SUN1: variants seen among roughly 807,000 people sequenced by gnomAD.
SUN1 encodes SUN domain-containing protein 1.
In SUN1, 61 loss-of-function variants were observed where a neutral mutation model predicts 103.2. That is an observed-to-expected ratio of 0.59 (90% CI 0.48 to 0.73). SUN1 has a LOEUF of 0.73. Ranked by LOEUF, SUN1 falls within the 30% of genes least tolerant of loss-of-function variation. The pLI is 0.00. For missense variants in SUN1, 1,052 were observed against 1,034.6 expected (o/e 1.02, Z -0.23); for synonymous variants, 490 against 425.7 (o/e 1.15, Z -1.86).
intron 1 of SUN1, among the ~76,000 whole-genome samples, chr7:835,939 C>A (rs991321678): frequency 1.3e-5 from 2 of 152,206 alleles, no homozygotes; most frequent in African/African-American, 4.8e-5. Flanking sequence ...AAGAGAGTTT[C>A]CAGAATGGGG....
intron 13 of SUN1, among the ~76,000 whole-genome samples, chr7:859,267 C>T (rs1220851091): frequency 3.3e-5 from 5 of 152,290 alleles, no homozygotes; most frequent in Non-Finnish European, 1.5e-5. Context: ...TGCAGGCCCA[C>T]GAGGACGATG....
intron 1 of SUN1, chr7:816,850 G>T (rs1780948070): frequency 6.7e-6 from 1 of 150,024 alleles, no homozygotes; most frequent in Non-Finnish European, 1.5e-5. Context: ...CCCGCGCCCC[G>T]CAGCTACCCC....
intron 1 of SUN1, among the ~76,000 whole-genome samples, chr7:836,955 G>A (rs1764582000): frequency 6.6e-6 from 1 of 152,240 alleles, no homozygotes; most frequent in Non-Finnish European, 1.5e-5. Context: ...TGGGGCGGAT[G>A]GAGGGGGTCT....
Position 860,313 on chromosome 7 carries a change from G to C in SUN1, c.1710G>C (p.Lys570Asn). The change falls in exon 14 of 19, where the codon AAG (lysine) becomes AAC (asparagine). Residue 570 changes from lysine (K) to asparagine (N), a missense_variant. Physicochemically the swap from Lys to Asn is moderately conservative, Grantham distance 94 (BLOSUM62 0). This residue lies in a region of SUN1 where 846 missense variants were observed against 774.5 expected (regional missense o/e 1.09). Coordinates refer to ENST00000401592, the MANE Select transcript of SUN1 (RefSeq NM_001130965.3). ...TCACCCACCACGTTTCCGTGACCAA[G>C]CAGCTCCCAACCTCAGAAGCCGTGG... ...RNVTHHVSVTKQLPTSEAVVS... is the reference protein window; with the variant it reads ...RNVTHHVSVTNQLPTSEAVVS... 1 of 1,614,250 alleles carries C rather than the reference G, an allele frequency of 6.2e-7. No homozygotes were observed. Among genetic ancestry groups the C allele is most frequent in the Non-Finnish European group, 8.5e-7 (1 of 1,180,050 alleles).
Position 843,485 on chromosome 7 carries a change from T to C in SUN1, c.623T>C (p.Val208Ala). 1 of 1,614,078 alleles carries C rather than the reference T, an allele frequency of 6.2e-7. No homozygotes were observed. The change falls in exon 5 of 19, where the codon GTG becomes GCG. Residue 208 changes from valine to alanine, a missense_variant. Physicochemically the swap from Val to Ala is moderately conservative, Grantham distance 64 (BLOSUM62 0). This residue lies in a region of SUN1 where 846 missense variants were observed against 774.5 expected (regional missense o/e 1.09). Transcript: ENST00000401592. Reference sequence around the variant, plus strand: ...GCGCACCCCGCGGCCCCCGGGCCCGTGTCGAGAGTTTATTCTAGGGACAGG... The same window carrying C: ...GCGCACCCCGCGGCCCCCGGGCCCGCGTCGAGAGTTTATTCTAGGGACAGG... ...LTAHPAAPGP[V>A]SRVYSRDRNQ...
intron 5 of SUN1, among the ~76,000 whole-genome samples, chr7:846,245 AC>A (rs1196380385): frequency 6.6e-6 from 1 of 151,656 alleles, no homozygotes. Context: ...AGTAGCTGGG[AC>A]TACAGGCGCC....
Position 838,784 on chromosome 7 carries a change from C to A in SUN1, c.78-14C>A. The A allele has an allele frequency of 6.5e-7, 1 of 1,531,524 alleles. No individual in the cohort carries two copies. The highest frequency in any genetic ancestry group is 1.2e-5 in the South Asian group (1 of 81,098). 94.9% of individuals were successfully genotyped at this position (1,531,524 alleles called of 1,614,324 possible). On this transcript the variant is annotated splice_polypyrimidine_tract_variant and intron_variant, in intron 1 of 18. Coordinates refer to ENST00000401592, the MANE Select transcript of SUN1 (RefSeq NM_001130965.3). Reference sequence around the variant, plus strand: ...ATAAGCACTGCTTACCTCTGATGAGCTTTTTCCTTCTAGTTCCAGCTATTC... The same window carrying A: ...ATAAGCACTGCTTACCTCTGATGAGATTTTTCCTTCTAGTTCCAGCTATTC...
intron 5 of SUN1, chr7:849,496 A>G (rs1404591470): frequency 7.4e-7 from 1 of 1,354,944 alleles, no homozygotes; most frequent in Non-Finnish European, 9.9e-7. Flanking sequence ...TGAGTTCCCT[A>G]AGCCTCTTTT....
At chr7:848,516 A>G (rs771792228) in intron 5 of SUN1, 1 of 1,364,176 alleles carries the variant, frequency 7.3e-7, no homozygotes, top group Non-Finnish European at 9.8e-7. Context: ...AGTGGTTTTA[A>G]TGAAGCTCAG....
Position 853,537 on chromosome 7 carries a change from G to T in SUN1, c.1182G>T (p.Gln394His), listed in dbSNP as rs1415403432. The T allele has an allele frequency of 6.2e-7, 1 of 1,613,384 alleles. No homozygotes were observed. Among genetic ancestry groups the T allele is most frequent in the Non-Finnish European group, 8.5e-7 (1 of 1,180,046 alleles). ...TGACCACTTTGCTACAGAAGCTGCA[G>T]GCTCGGGTGGACCAGATGGAAGGCG... ...RELTTLLQKL[Q>H]ARVDQMEGGA... The change falls in exon 10 of 19, where the codon CAG becomes CAT. Residue 394 changes from glutamine to histidine, a missense_variant. Physicochemically the swap from Gln to His is conservative, Grantham distance 24 (BLOSUM62 0). Around this residue, in one of 2 missense-constraint regions of SUN1, gnomAD observed 846 missense variants for 774.5 expected, o/e 1.09. Coordinates refer to ENST00000401592, the MANE Select transcript of SUN1 (RefSeq NM_001130965.3).
upstream of SUN1, among the ~76,000 whole-genome samples, chr7:829,064 C>T (rs982988007): frequency 2.0e-5 from 3 of 152,238 alleles, no homozygotes; most frequent in African/African-American, 7.2e-5. Flanking sequence ...GGCACAGATG[C>T]CAGCAGGAGC....
At chr7:848,531 G>A in intron 5 of SUN1, 1 of 1,362,204 alleles carries the variant, frequency 7.3e-7, no homozygotes, top group Non-Finnish European at 9.8e-7. Flanking sequence ...GCTCAGTTAT[G>A]AATCAGAAAA....
intron 16 of SUN1, among the ~76,000 whole-genome samples, chr7:867,510 G>T (rs540055372): frequency 6.6e-6 from 1 of 152,322 alleles, no homozygotes; most frequent in East Asian, 1.9e-4. Flanking sequence ...GTGTGATGCT[G>T]GTGGGGATCT....
chr7:853,671 T>C, intron 10 of SUN1, 53 bp downstream of exon 10: 1 of 1,566,112 alleles, frequency 6.4e-7, no homozygotes, highest in Non-Finnish European at 8.6e-7. Context: ...CGCTTCTGGG[T>C]GCCATGTTCT....
chr7:835,618 C>CT (rs917209356), intron 1 of SUN1, among the ~76,000 whole-genome samples: 26 of 152,314 alleles, frequency 1.7e-4, no homozygotes, highest in African/African-American at 6.3e-4. Context: ...TCTTTGGTTT[C>CT]TTTCTTCATT....
intron 15 of SUN1, among the ~76,000 whole-genome samples, chr7:864,768 A>G (rs1363258218): frequency 1.2e-5 from 1 of 86,712 alleles, no homozygotes; most frequent in Non-Finnish European, 2.4e-5. Context: ...AGCTGGGACT[A>G]CAGGGGCGCG....
intron 3 of SUN1, 187 bp from the exon 4 acceptor site, chr7:843,019 T>G: frequency 1.2e-6 from 1 of 811,952 alleles, no homozygotes; most frequent in Non-Finnish European, 2.0e-6. Flanking sequence ...AGGATAAGCT[T>G]TCACCTTCAG....
intron 17 of SUN1, among the ~76,000 whole-genome samples, chr7:871,289 T>G (rs142856310): frequency 1.6e-4 from 24 of 151,324 alleles, no homozygotes; most frequent in African/African-American, 5.5e-4. Context: ...ATATTTGAGC[T>G]TTTTAGTATG....
chr7:834,862 G>A (rs562684497), intron 1 of SUN1, among the ~76,000 whole-genome samples: 2 of 152,250 alleles, frequency 1.3e-5, no homozygotes, highest in African/African-American at 4.8e-5. Flanking sequence ...GATCACTTGA[G>A]GTAAAGAGTT....
Sources: allele counts gnomAD v4.1 joint callset (sites outside exome capture counted in the v4.1 genomes callset), GRCh38; gene constraint gnomAD v4.1.1; regional missense constraint gnomAD v4.1.1; transcripts MANE v1.5; gene names NCBI Gene and HGNC (gene_info 2026-07-23, HGNC 2026-07-21).